The following PFKFB4 variants were observed in gnomAD, a reference collection of about 807,000 sequenced individuals.
PFKFB4 encodes 6-phosphofructo-2-kinase/fructose-2,6-biphosphatase 4.
In PFKFB4, 42 loss-of-function variants were observed where a neutral mutation model predicts 62.8. The observed-to-expected ratio is 0.67, with a 90% CI of 0.52 to 0.86. PFKFB4 has a LOEUF of 0.86. PFKFB4 is among the 40% of genes least tolerant of loss of function. PFKFB4 has a pLI of 0.00. For synonymous variants in PFKFB4, 204 were observed against 240.7 expected (o/e 0.85, Z 1.41); for missense variants, 475 against 627.2 (o/e 0.76, Z 2.59).
chr3:48,542,378 A>G (rs1031611086), intron 4 of PFKFB4, among the ~76,000 whole-genome samples: 1 of 152,118 alleles, frequency 6.6e-6, no homozygotes, highest in African/African-American at 2.4e-5. Context: ...GAAAAAAGAT[A>G]AAATCAGAAT....
chr3:48,523,411 G>A (rs2042157081), intron 12 of PFKFB4, 126 bp downstream of exon 12: 1 of 890,232 alleles, frequency 1.1e-6, no homozygotes, highest in African/African-American at 1.7e-5. Context: ...TGGGAAAGGT[G>A]GTGGGGTAGT....
rs1211550398 is a variant in PFKFB4, at chr3:48,519,761, GC to G, written c.1395del (p.Pro466LeufsTer11). ...SRPPEEALVT[V>X]PAHQ ...GATGAACATGGTCACTGGTGAGCAG[GC>G]ACCGTGACAAGGGCTTCCTCTGGAG... On this transcript the variant is annotated frameshift_variant, in exon 14 of 14. Coordinates refer to ENST00000232375, the MANE Select transcript of PFKFB4 (RefSeq NM_004567.4). LOFTEE classifies it high-confidence loss of function. 6.2e-7 allele frequency: 1 copy of G among 1,613,038 alleles called. No homozygotes were observed. Among genetic ancestry groups the G allele is most frequent in the Admixed American group, 1.7e-5 (1 of 60,026 alleles).
chr3:48,530,816 C>T (rs956038602), intron 9 of PFKFB4, among the ~76,000 whole-genome samples: 2 of 152,168 alleles, frequency 1.3e-5, no homozygotes, highest in African/African-American at 4.8e-5. Flanking sequence ...AAGCAATTCT[C>T]CTGCTTCAGC....
chr3:48,545,863 T>C (rs1203449992), intron 3 of PFKFB4, among the ~76,000 whole-genome samples: 1 of 152,180 alleles, frequency 6.6e-6, no homozygotes, highest in Non-Finnish European at 1.5e-5. Flanking sequence ...AGAGTCCAGG[T>C]AACTGGCATT....
At chr3:48,522,133 GT>G in intron 12 of PFKFB4, 83 bp from the exon 13 acceptor site, 1 of 1,239,802 alleles carries the variant, frequency 8.1e-7, no homozygotes, top group Non-Finnish European at 1.2e-6. Flanking sequence ...TTGGAGGGGG[GT>G]CTGGGCGTGT....
chr3:48,539,523 C>G (rs1329838344), intron 5 of PFKFB4, 174 bp downstream of exon 5: 5 of 708,354 alleles, frequency 7.1e-6, no homozygotes, highest in Non-Finnish European at 1.2e-5. Flanking sequence ...CCACGAAAAC[C>G]CCCTTCCCTC....
Position 48,521,113 on chromosome 3 carries a change from A to G in PFKFB4, c.1350+873T>C, listed in dbSNP as rs2042082994. 6.6e-6 allele frequency among the ~76,000 whole-genome samples: 1 copy of G among 152,064 alleles called. No homozygotes were observed. The highest frequency in any genetic ancestry group is 2.4e-5 in the African/African-American group (1 of 41,408). ...GGGAAGGGACAGGACACATCTACAC[A>G]CCTGTGCTGTGAGGTCCAAGGCCAG... On this transcript the variant is annotated intron_variant, in intron 13 of 13. Coordinates refer to ENST00000232375, the MANE Select transcript of PFKFB4 (RefSeq NM_004567.4). This position sits in a 1 kb window ranked among gnomAD's most constrained non-coding sequence, Gnocchi z 5.3.
chr3:48,532,458 A>G lies in PFKFB4; in HGVS notation c.987+3054T>C, dbSNP rs527699920. Among the ~76,000 whole-genome samples, 6 of 152,342 alleles carry G rather than the reference A, an allele frequency of 3.9e-5. No homozygotes were observed. The East Asian group carries it at 1.2e-3, about 29-fold the overall frequency. On this transcript the variant is annotated intron_variant, in intron 9 of 13. Transcript: ENST00000232375. Reference sequence around the variant, plus strand: ...CCATGTTCACAGCTGCATTATCCACAATAGCTAAAAAGTGGAAGCTGTCCA... The same window carrying G: ...CCATGTTCACAGCTGCATTATCCACGATAGCTAAAAAGTGGAAGCTGTCCA...
chr3:48,537,251 G>A (rs907009683), intron 7 of PFKFB4, among the ~76,000 whole-genome samples: 3 of 152,086 alleles, frequency 2.0e-5, no homozygotes, highest in African/African-American at 7.2e-5. Context: ...GGGGTGTCAC[G>A]ATGACACCAC....
At chr3:48,525,694 A>ACCTCCTACAGGC in intron 9 of PFKFB4, 25 bp from the exon 10 acceptor site, 1 of 1,357,622 alleles carries the variant, frequency 7.4e-7, no homozygotes, top group Non-Finnish European at 1.0e-6. Context: ...CAGTCATCAC[A>ACCTCCTACAGGC]CCTCCTACAG....
intron 9 of PFKFB4, among the ~76,000 whole-genome samples, 188 bp downstream of exon 9, chr3:48,535,324 T>C (rs1027292428): frequency 4.6e-5 from 7 of 152,112 alleles, no homozygotes; most frequent in African/African-American, 1.7e-4. Flanking sequence ...CTGAGAATGG[T>C]CTAGGGCTCA....
chr3:48,523,050 C>T (rs1311948085), intron 12 of PFKFB4, among the ~76,000 whole-genome samples: 6 of 151,806 alleles, frequency 4.0e-5, no homozygotes, highest in South Asian at 4.2e-4. Context: ...CATGAGCCAC[C>T]GCACCCAGCC....
At chr3:48,560,908 C>T (rs1328666284), upstream of PFKFB4, 2 of 201,096 alleles carry the variant, frequency 9.9e-6, no homozygotes, top group Non-Finnish European at 1.9e-5. Context: ...CCCCCTCCTT[C>T]GGGCCACTGA....
At chr3:48,562,653 A>G (rs2043450164), upstream of PFKFB4, 2 of 870,976 alleles carry the variant, frequency 2.3e-6, no homozygotes, top group Middle Eastern at 3.5e-4. The surrounding 1 kb of genome is among the most constrained non-coding windows in gnomAD (Gnocchi z 4.3). Context: ...CAGTGTCCAG[A>G]CACTGTATGC....
chr3:48,521,995 G>A lies in PFKFB4; in HGVS notation c.1341C>T (p.Asp447=). 1.2e-6 allele frequency: 2 copies of A among 1,614,000 alleles called. No homozygotes were observed. Among genetic ancestry groups the A allele is most frequent in the Non-Finnish European group, 1.7e-6 (2 of 1,179,864 alleles). ...LNVAAVNTHR[D]RPQNVDISRP... ...GTGACCCCATTGCTACCTGAGGCCT[G>A]TCCCGGTGCGTGTTCACAGCAGCCA... The change falls in exon 13 of 14, where the codon GAC becomes GAT. Residue 447 remains aspartate, a synonymous_variant. Coordinates refer to ENST00000232375, the MANE Select transcript of PFKFB4 (RefSeq NM_004567.4). This position sits in a 1 kb window ranked among gnomAD's most constrained non-coding sequence, Gnocchi z 5.3.
chr3:48,536,329 C>T lies in PFKFB4; in HGVS notation c.767G>A (p.Arg256Gln), dbSNP rs751012777. 15 of 1,614,070 alleles carry T rather than the reference C, an allele frequency of 9.3e-6. No individual in the cohort carries two copies. The highest frequency in any genetic ancestry group is 1.7e-5 in the Admixed American group (1 of 60,008). Reference protein sequence around the residue: ...HVTPRSIYLCRHGESELNLKG... With the variant: ...HVTPRSIYLCQHGESELNLKG... ...GAGGTTGAGCTCGCTCTCCCCGTGC[C>T]GGCAGAGGTAGATGGAGCGGGGGGT... The change falls in exon 8 of 14, where the codon CGG becomes CAG. Residue 256 changes from arginine (R) to glutamine (Q), a missense_variant. Physicochemically the swap from Arg to Gln is conservative, Grantham distance 43 (BLOSUM62 1). Coordinates refer to ENST00000232375, the MANE Select transcript of PFKFB4 (RefSeq NM_004567.4).
In PFKFB4 at chr3:48,556,099, C is replaced by T; in HGVS notation, c.97+582G>A. 2.2e-6 allele frequency: 1 copy of T among 456,800 alleles called. No individual in the cohort carries two copies. Among genetic ancestry groups the T allele is most frequent in the Non-Finnish European group, 4.4e-6 (1 of 226,998 alleles). 28.3% of individuals were successfully genotyped at this position (456,800 alleles called of 1,614,324 possible). ...GTGGATACTTACATGTCCCGGGACA[C>T]AGACACAGGCCCACACGGCATACTT... On this transcript the variant is annotated intron_variant, in intron 1 of 13. Transcript: ENST00000232375. This position sits in a 1 kb window ranked among gnomAD's most constrained non-coding sequence, Gnocchi z 5.7.
At chr3:48,530,186 G>A (rs538390039) in intron 9 of PFKFB4, among the ~76,000 whole-genome samples, 38 of 152,122 alleles carry the variant, frequency 2.5e-4, no homozygotes, top group Non-Finnish European at 3.2e-4. Context: ...CCGGGAGGTA[G>A]AGGTTACAGT....
At chr3:48,528,899 G>A (rs960995996) in intron 9 of PFKFB4, among the ~76,000 whole-genome samples, 8 of 152,166 alleles carry the variant, frequency 5.3e-5, no homozygotes, top group Admixed American at 4.6e-4. Context: ...AGGGTTAGAG[G>A]GAAATGGGAA....
Sources: gnomAD v4.1 joint callset for allele counts (sites outside exome capture counted in the v4.1 genomes callset) on GRCh38, gnomAD v4.1.1 for gene constraint, Gnocchi (gnomAD v3.1) non-coding constraint, MANE v1.5 for transcripts, NCBI Gene and HGNC (gene_info 2026-07-23, HGNC 2026-07-21) for gene names.